The following BRAF variants were observed in gnomAD, a reference collection of about 807,000 sequenced individuals.
The protein encoded by BRAF is serine/threonine-protein kinase B-raf.
Under a neutral mutation model 104.6 loss-of-function variants are expected in BRAF, and 16 were observed. The observed-to-expected ratio is 0.15, with a 90% CI of 0.10 to 0.23. The LOEUF (loss-of-function observed/expected upper bound fraction) is 0.23. BRAF is among the 10% of genes least tolerant of loss of function. The pLI, the probability that BRAF is intolerant of heterozygous loss-of-function variation, is 1.00. For missense variants in BRAF, 541 were observed against 937.3 expected, an observed-to-expected ratio of 0.58 and a Z score of 5.52; for synonymous variants, 310 against 341.6, an observed-to-expected ratio of 0.91 and a Z score of 1.02.
intron 18 of BRAF, 107 bp from the exon 18 acceptor site, chr7:140,734,877 A>C: frequency 7.9e-7 from 1 of 1,271,804 alleles, no homozygotes; most frequent in Non-Finnish European, 1.1e-6. Context: ...GGTGGTATAA[A>C]TCTTTAAGAG....
At chr7:140,776,386 T>C (rs996117534) in intron 14 of BRAF, among the ~76,000 whole-genome samples, 1 of 152,216 alleles carries the variant, frequency 6.6e-6, no homozygotes, top group Admixed American at 6.5e-5. Flanking sequence ...CAGTTCCCCA[T>C]ATTAGCTTAT....
intron 18 of BRAF, among the ~76,000 whole-genome samples, chr7:140,737,630 ATT>A (rs1178751756): frequency 6.6e-6 from 1 of 152,142 alleles, no homozygotes; most frequent in Non-Finnish European, 1.5e-5. Flanking sequence ...AAGTTTAAAA[ATT>A]TTTAATGTAC....
chr7:140,781,381 G>A, intron 12 of BRAF, 195 bp downstream of exon 11: 1 of 593,686 alleles, frequency 1.7e-6, no homozygotes, highest in Non-Finnish European at 3.0e-6. Flanking sequence ...AAAATGGTAG[G>A]AGTCCCGACT....
At position 140,727,411 on chromosome 7, in the gene BRAF, T is replaced by C. The variant is rs1023847071; in HGVS notation, c.2402-895A>G. On this transcript the variant is annotated intron_variant, in intron 19 of 19. Coordinates refer to ENST00000644969, the MANE Select transcript of BRAF (RefSeq NM_001374258.1). ...GTTGGCCAGACTGGTCTCAAACTCCTGACCTCAGGTAATCTGCCTGCCTCG... is the reference window on the plus strand; with the variant it reads ...GTTGGCCAGACTGGTCTCAAACTCCCGACCTCAGGTAATCTGCCTGCCTCG... Among the ~76,000 whole-genome samples the C allele has an allele frequency of 3.3e-5, 5 of 152,208 alleles. No individual in the cohort carries two copies. The South Asian group carries it at 1.0e-3, about 32-fold the overall frequency.
chr7:140,916,548 C>G (rs1332900995), intron 1 of BRAF, among the ~76,000 whole-genome samples: 3 of 152,194 alleles, frequency 2.0e-5, no homozygotes, highest in Non-Finnish European at 4.4e-5. Context: ...AACATCTTAA[C>G]ATATTCATTT....
chr7:140,864,337 C>T (rs1810716283), intron 1 of BRAF, among the ~76,000 whole-genome samples: 1 of 152,140 alleles, frequency 6.6e-6, no homozygotes, highest in Non-Finnish European at 1.5e-5. Context: ...AGAATTAAGG[C>T]TGATTCTGAA....
intron 16 of BRAF, 65 bp from the exon 16 acceptor site, chr7:140,749,483 C>T (rs1448803795): frequency 6.5e-7 from 1 of 1,531,540 alleles, no homozygotes; most frequent in Non-Finnish European, 9.0e-7. Context: ...AAACAACCTA[C>T]TATAATTCCT....
chr7:140,822,451 T>C (rs374227133), intron 3 of BRAF: 2 of 152,254 alleles, frequency 1.3e-5, no homozygotes, highest in African/African-American at 4.8e-5. Flanking sequence ...CCTGCCATAG[T>C]CCTGTGCCCA....
intron 14 of BRAF, among the ~76,000 whole-genome samples, chr7:140,759,674 C>G (rs1171246771): frequency 6.6e-6 from 1 of 152,230 alleles, no homozygotes; most frequent in Non-Finnish European, 1.5e-5. Context: ...GCGTGAGCCA[C>G]CACACCCGGC....
intron 1 of BRAF, among the ~76,000 whole-genome samples, chr7:140,853,225 G>GA (rs71522116): frequency 0.11 from 15,306 of 141,196 alleles, 1,252 homozygotes; most frequent in African/African-American, 0.24. Context: ...AAAAAAAAAA[G>GA]AAAAAAAAAA....
intron 11 of BRAF, among the ~76,000 whole-genome samples, chr7:140,782,469 A>T (rs961889849): frequency 3.3e-5 from 5 of 151,994 alleles, no homozygotes; most frequent in Non-Finnish European, 5.9e-5. Flanking sequence ...TTTCCAAAAA[A>T]AAAAAAAAAA....
intron 1 of BRAF, among the ~76,000 whole-genome samples, chr7:140,912,643 C>A (rs1404039707): frequency 6.6e-6 from 1 of 152,120 alleles, no homozygotes; most frequent in East Asian, 1.9e-4. Flanking sequence ...AATTCCTCAC[C>A]ATCTTTACTT....
At chr7:140,840,707 C>CT (rs1807867020) in intron 2 of BRAF, among the ~76,000 whole-genome samples, 1 of 150,496 alleles carries the variant, frequency 6.6e-6, no homozygotes. Context: ...GGGAGGATGG[C>CT]TTGAGCCTAG....
chr7:140,909,794 C>T (rs532340257), intron 1 of BRAF, among the ~76,000 whole-genome samples: 42 of 150,884 alleles, frequency 2.8e-4, no homozygotes, highest in Middle Eastern at 3.4e-3. Context: ...GCAACAAGAG[C>T]GAAACTCCGT....
chr7:140,821,963 C>G (rs1351331175), intron 3 of BRAF, among the ~76,000 whole-genome samples: 1 of 152,022 alleles, frequency 6.6e-6, no homozygotes, highest in East Asian at 1.9e-4. Flanking sequence ...TAAGTAGGAG[C>G]TAAACTTTGG....
intron 8 of BRAF, among the ~76,000 whole-genome samples, chr7:140,793,500 T>C (rs2129037301): frequency 6.6e-6 from 1 of 152,078 alleles, no homozygotes; most frequent in African/African-American, 2.4e-5. Context: ...AATTAAAATT[T>C]ATAAGTTTTT....
At chr7:140,831,375 G>A (rs890890441) in intron 3 of BRAF, among the ~76,000 whole-genome samples, 3 of 152,100 alleles carry the variant, frequency 2.0e-5, no homozygotes, top group East Asian at 1.9e-4. Flanking sequence ...GTAGATTAAC[G>A]TTTACTTTTT....
chr7:140,772,927 C>T (rs1018968810), intron 14 of BRAF, among the ~76,000 whole-genome samples: 11 of 152,150 alleles, frequency 7.2e-5, no homozygotes, highest in Admixed American at 4.6e-4. Flanking sequence ...TTTAAATTAA[C>T]ATTTAAAAGT....
chr7:140,743,719 A>T (rs901570434), intron 17 of BRAF, among the ~76,000 whole-genome samples: 8 of 144,218 alleles, frequency 5.5e-5, no homozygotes, highest in African/African-American at 2.0e-4. Flanking sequence ...AACTTTAATT[A>T]AAAAAAAAAA....
Sources: gnomAD v4.1 joint callset for allele counts (sites outside exome capture counted in the v4.1 genomes callset) on GRCh38, gnomAD v4.1.1 for gene constraint, MANE v1.5 for transcripts, NCBI Gene and HGNC (gene_info 2026-07-23, HGNC 2026-07-21) for gene names.